FBXO42: variants seen among roughly 807,000 people sequenced by gnomAD.
The protein encoded by FBXO42 is F-box only protein 42.
In FBXO42, 12 loss-of-function variants were observed where a neutral mutation model predicts 71.7. The ratio of observed to expected loss-of-function variants is 0.17; its 90% confidence interval spans 0.11 to 0.27. FBXO42 has a LOEUF of 0.27. FBXO42 is among the 10% of genes least tolerant of loss of function. The pLI is 1.00. For synonymous variants in FBXO42, 325 were observed against 327.5 expected (o/e 0.99, Z 0.08); for missense variants, 707 against 911.9 (o/e 0.78, Z 2.89).
intron 2 of FBXO42, 137 bp from the exon 3 acceptor site, chr1:16,306,056 T>C (rs1456498983): frequency 7.9e-6 from 5 of 633,906 alleles, no homozygotes; most frequent in East Asian, 2.8e-5. Flanking sequence ...GGAGTCTCAC[T>C]CTGTCGCCCA....
At chr1:16,286,656 T>C (rs1374174569) in intron 4 of FBXO42, among the ~76,000 whole-genome samples, 1 of 152,168 alleles carries the variant, frequency 6.6e-6, no homozygotes, top group Non-Finnish European at 1.5e-5. Context: ...CCTGTGTGTC[T>C]CCCCTGAACT....
chr1:16,283,801 A>C (rs1186603876), intron 4 of FBXO42, among the ~76,000 whole-genome samples: 1 of 152,030 alleles, frequency 6.6e-6, no homozygotes, highest in Non-Finnish European at 1.5e-5. Flanking sequence ...GGCCTGTGGC[A>C]AGTTTTAAAA....
rs75356431 is a variant in FBXO42, at chr1:16,287,415, T to A, written c.502+7368A>T. 6.4e-3 allele frequency among the ~76,000 whole-genome samples: 972 copies of A among 152,310 alleles called. 6 individuals carry two copies. Among genetic ancestry groups the A allele is most frequent in the African/African-American group, 0.022 (932 of 41,568 alleles). ...TGTTATATATTTGTCATTTTTAGTATCTGTCTTCCTTCATTTGAATGTAGT... is the reference window on the plus strand; with the variant it reads ...TGTTATATATTTGTCATTTTTAGTAACTGTCTTCCTTCATTTGAATGTAGT... On this transcript the variant is annotated intron_variant, in intron 4 of 9. Transcript: ENST00000375592.
chr1:16,336,440 C>T (rs1254823192), intron 1 of FBXO42, among the ~76,000 whole-genome samples: 1 of 151,348 alleles, frequency 6.6e-6, no homozygotes, highest in East Asian at 2.0e-4. Flanking sequence ...CTCATTGCAA[C>T]CTCCACCTCC....
chr1:16,316,832 A>G (rs1557599668), intron 1 of FBXO42, among the ~76,000 whole-genome samples: 1 of 152,104 alleles, frequency 6.6e-6, no homozygotes, highest in Non-Finnish European at 1.5e-5. Flanking sequence ...GAAAATATGA[A>G]TCATTAAGAG....
chr1:16,313,328 GA>G (rs1557597904), intron 2 of FBXO42, among the ~76,000 whole-genome samples: 1 of 17,294 alleles, frequency 5.8e-5, no homozygotes, highest in Non-Finnish European at 3.7e-4. Context: ...AGAAAACAAA[GA>G]AAGAAAGAAA....
rs1231361901 is a variant in FBXO42 at position 16,332,666 on chromosome 1, G to C, written c.-17-17231C>G. 2.6e-5 allele frequency among the ~76,000 whole-genome samples: 4 copies of C among 151,558 alleles called. No individual in the cohort carries two copies. The Admixed American group carries it at 2.6e-4, about 10-fold the overall frequency. Reference sequence around the variant, plus strand: ...AGTGATTCTCCTGCCTCAAGCTGCTGAACAGCTGGGATTACAGACATGTGC... The same window carrying C: ...AGTGATTCTCCTGCCTCAAGCTGCTCAACAGCTGGGATTACAGACATGTGC... On this transcript the variant is annotated intron_variant, in intron 1 of 9. Coordinates refer to ENST00000375592, the MANE Select transcript of FBXO42 (RefSeq NM_018994.3).
chr1:16,280,542 T>C (rs1042016814), intron 4 of FBXO42, among the ~76,000 whole-genome samples: 3 of 152,190 alleles, frequency 2.0e-5, no homozygotes, highest in African/African-American at 7.2e-5. Context: ...AACCTAATAA[T>C]TGTCACAGTG....
intron 1 of FBXO42, among the ~76,000 whole-genome samples, chr1:16,350,073 T>C (rs1349122101): frequency 6.6e-6 from 1 of 152,150 alleles, no homozygotes; most frequent in East Asian, 1.9e-4. Context: ...CACATAAAGC[T>C]GTTATTAAAG....
chr1:16,309,281 G>A (rs919771687), intron 2 of FBXO42, among the ~76,000 whole-genome samples: 3 of 149,024 alleles, frequency 2.0e-5, no homozygotes, highest in African/African-American at 5.0e-5. Flanking sequence ...GTTTCACCAC[G>A]TTGGCCAGGA....
intron 2 of FBXO42, among the ~76,000 whole-genome samples, chr1:16,309,613 T>C (rs913152385): frequency 1.2e-4 from 18 of 151,452 alleles, no homozygotes; most frequent in Admixed American, 1.1e-3. Flanking sequence ...AAAGAAAGAA[T>C]GGCCAGGCAT....
chr1:16,341,572 C>A lies in FBXO42; in HGVS notation c.-18+10683G>T, dbSNP rs577564571. The stretch of plus-strand genomic sequence containing the variant: ...GCAGTGAGCCAAGATTGCACCCCTG[C>A]ACTCCAGCCTGGGCAACCAAGTGAG... On this transcript the variant is annotated intron_variant, in intron 1 of 9. Coordinates refer to ENST00000375592, the MANE Select transcript of FBXO42 (RefSeq NM_018994.3). Among the ~76,000 whole-genome samples the A allele has an allele frequency of 2.1e-5, 3 of 144,734 alleles. No homozygotes were observed. The Admixed American group carries it at 2.1e-4, about 10-fold the overall frequency. The allele number at this position is 144,734 out of a possible 152,430, so 95.0% of individuals were successfully genotyped here. A position where few individuals can be genotyped will look rare whatever the true frequency, so the allele number is the denominator to read the frequency against.
intron 1 of FBXO42, among the ~76,000 whole-genome samples, chr1:16,342,697 T>C (rs1360865370): frequency 1.3e-5 from 2 of 152,100 alleles, no homozygotes; most frequent in Non-Finnish European, 2.9e-5. Context: ...ATGGTTTAGA[T>C]AAGGTTTGTC....
intron 1 of FBXO42, among the ~76,000 whole-genome samples, chr1:16,336,649 C>T (rs747696294): frequency 1.1e-4 from 16 of 151,362 alleles, no homozygotes; most frequent in Non-Finnish European, 2.2e-4. Context: ...GAGCCACTGT[C>T]CCTAGCTGGG....
chr1:16,330,541 G>A (rs2082490204), intron 1 of FBXO42, among the ~76,000 whole-genome samples: 1 of 152,016 alleles, frequency 6.6e-6, no homozygotes, highest in South Asian at 2.1e-4. Context: ...AGGCACAGTG[G>A]TTCATACCTG....
chr1:16,318,982 T>C (rs2082392339), intron 1 of FBXO42, among the ~76,000 whole-genome samples: 1 of 152,184 alleles, frequency 6.6e-6, no homozygotes, highest in South Asian at 2.1e-4. Flanking sequence ...TAAGTCCTTT[T>C]GAAGGGATAA....
chr1:16,306,647 TTC>T (rs2082254028), intron 2 of FBXO42, among the ~76,000 whole-genome samples: 1 of 152,192 alleles, frequency 6.6e-6, no homozygotes, highest in Non-Finnish European at 1.5e-5. Context: ...TAATAAAGCA[TTC>T]TCTGTCTTAA....
chr1:16,350,712 A>T (rs2082692107), intron 1 of FBXO42, among the ~76,000 whole-genome samples: 2 of 143,226 alleles, frequency 1.4e-5, no homozygotes, highest in South Asian at 4.5e-4. Context: ...GTGCTACTGC[A>T]CTCCAGCCTG....
chr1:16,340,956 T>C (rs1455137729), intron 1 of FBXO42, among the ~76,000 whole-genome samples: 1 of 151,958 alleles, frequency 6.6e-6, no homozygotes, highest in Non-Finnish European at 1.5e-5. Context: ...CCAAAATTTA[T>C]TTATAAAAAA....
Sources: allele counts gnomAD v4.1 joint callset (sites outside exome capture counted in the v4.1 genomes callset), GRCh38; gene constraint gnomAD v4.1.1; transcripts MANE v1.5; gene names NCBI Gene and HGNC (gene_info 2026-07-23, HGNC 2026-07-21).